The following SLC35F3 variants were observed in gnomAD, a reference collection of about 807,000 sequenced individuals.
The protein encoded by SLC35F3 is putative thiamine transporter SLC35F3.
A neutral mutation model predicts 49.9 loss-of-function variants in SLC35F3; 25 were observed. That is an observed-to-expected ratio of 0.50 (90% confidence interval 0.37 to 0.70). SLC35F3 has a LOEUF of 0.70. SLC35F3 is among the 30% of genes least tolerant of loss of function. The probability of loss-of-function intolerance (pLI) is 0.00; values close to 1 mark genes in which losing one functional copy is unlikely to be tolerated. For synonymous variants in SLC35F3, 275 were observed against 265.4 expected (o/e 1.04, Z -0.35); for missense variants, 525 against 639.8 (o/e 0.82, Z 1.94).
Position 234,316,664 on chromosome 1 carries a change from C to T in SLC35F3, c.891C>T (p.His297=), listed in dbSNP as rs1057003750. ...IVMMTYADGF[H]SHSVIGIALV... ...TGATGACCTACGCTGATGGCTTCCA[C>T]AGCCACTCCGTCATCGGCATCGCAC... The change falls in exon 5 of 8, where the codon CAC becomes CAT. Residue 297 remains histidine (H), a synonymous_variant. Transcript: ENST00000366618. The T allele has an allele frequency of 1.2e-6, 2 of 1,613,284 alleles. No individual in the cohort carries two copies. Among genetic ancestry groups the T allele is most frequent in the African/African-American group, 2.7e-5 (2 of 74,944 alleles).
chr1:233,905,185 C>T (rs1661752027), intron 1 of SLC35F3, 55 bp downstream of exon 1: 2 of 1,536,282 alleles, frequency 1.3e-6, no homozygotes, highest in Non-Finnish European at 1.8e-6. Context: ...GGCCGGAGCG[C>T]CGGGGTAGCC....
At chr1:234,150,939 A>C (rs2102908428) in intron 2 of SLC35F3, among the ~76,000 whole-genome samples, 1 of 152,340 alleles carries the variant, frequency 6.6e-6, no homozygotes, top group East Asian at 1.9e-4. Flanking sequence ...ATTCCCAGGA[A>C]AGAACAGAGT....
At chr1:233,948,255 G>A (rs919039010) in intron 2 of SLC35F3, among the ~76,000 whole-genome samples, 3 of 148,846 alleles carry the variant, frequency 2.0e-5, no homozygotes, top group Admixed American at 6.7e-5. Flanking sequence ...GAGAGAGAGA[G>A]AATGTGTGAA....
At chr1:234,054,135 C>T (rs1361522126) in intron 2 of SLC35F3, among the ~76,000 whole-genome samples, 1 of 152,054 alleles carries the variant, frequency 6.6e-6, no homozygotes, top group Non-Finnish European at 1.5e-5. Context: ...TTGCTCCTCT[C>T]GAGGAGTATC....
At chr1:234,034,295 G>A (rs2358205) in intron 2 of SLC35F3, among the ~76,000 whole-genome samples, 55,311 of 151,906 alleles carry the variant, frequency 0.36, 11,104 homozygotes, top group Middle Eastern at 0.47. Flanking sequence ...TCAGCGAACA[G>A]CAACAATTTG....
intron 2 of SLC35F3, among the ~76,000 whole-genome samples, chr1:234,162,914 G>C (rs1036956762): frequency 6.6e-6 from 1 of 152,300 alleles, no homozygotes; most frequent in Middle Eastern, 3.4e-3. Flanking sequence ...TTCATAGAGA[G>C]GGTACCCAGC....
chr1:234,204,886 G>A (rs1041663400), intron 2 of SLC35F3, among the ~76,000 whole-genome samples: 10 of 152,320 alleles, frequency 6.6e-5, no homozygotes, highest in Admixed American at 5.9e-4. Context: ...CAGGATTTTG[G>A]GTTGTTTGCT....
At chr1:233,993,213 C>A (rs1411653348) in intron 2 of SLC35F3, among the ~76,000 whole-genome samples, 1 of 152,132 alleles carries the variant, frequency 6.6e-6, no homozygotes, top group Admixed American at 6.5e-5. Flanking sequence ...GTGATCCACC[C>A]AACTCAGCCT....
chr1:234,006,789 C>T (rs1663637120), intron 2 of SLC35F3, among the ~76,000 whole-genome samples: 1 of 152,138 alleles, frequency 6.6e-6, no homozygotes, highest in South Asian at 2.1e-4. Flanking sequence ...AAGGACTTTG[C>T]TTTTATGCTG....
At chr1:234,018,422 C>A (rs1663840605) in intron 2 of SLC35F3, among the ~76,000 whole-genome samples, 1 of 152,156 alleles carries the variant, frequency 6.6e-6, no homozygotes, top group Non-Finnish European at 1.5e-5. Flanking sequence ...AGCATGTCCC[C>A]CGATTTCTCT....
intron 2 of SLC35F3, among the ~76,000 whole-genome samples, chr1:233,911,855 G>A (rs1188480525): frequency 1.3e-5 from 2 of 152,160 alleles, no homozygotes; most frequent in Non-Finnish European, 2.9e-5. Flanking sequence ...CCAGGCTTTA[G>A]GGAGACGTGG....
chr1:234,240,183 G>T (rs933435691), intron 3 of SLC35F3, among the ~76,000 whole-genome samples: 1 of 152,160 alleles, frequency 6.6e-6, no homozygotes, highest in African/African-American at 2.4e-5. Context: ...AATGATGAGG[G>T]GGAGGGCTGG....
At position 234,169,042 on chromosome 1, in the gene SLC35F3, T is replaced by G. The variant is rs184277501; in HGVS notation, c.284-62375T>G. Among the ~76,000 whole-genome samples the G allele has an allele frequency of 2.7e-3, 413 of 152,312 alleles. 1 individual carries two copies. The highest frequency in any genetic ancestry group is 3.9e-3 in the Non-Finnish European group (264 of 68,022). On this transcript the variant is annotated intron_variant, in intron 2 of 7. Transcript: ENST00000366618. Reference sequence around the variant, plus strand: ...ATAAAGGCCTGAGAACCAAGGGAACTGATGGTGTGACTCCCAGTCAGAGTC... The same window carrying G: ...ATAAAGGCCTGAGAACCAAGGGAACGGATGGTGTGACTCCCAGTCAGAGTC...
At chr1:234,130,230 G>A (rs1390068127) in intron 2 of SLC35F3, among the ~76,000 whole-genome samples, 1 of 152,140 alleles carries the variant, frequency 6.6e-6, no homozygotes, top group Non-Finnish European at 1.5e-5. Context: ...TACAAAATAA[G>A]TTATCCAAAT....
intron 2 of SLC35F3, among the ~76,000 whole-genome samples, chr1:234,078,906 A>G (rs1214277652): frequency 6.6e-6 from 1 of 152,208 alleles, no homozygotes. Context: ...CCACACTGTG[A>G]TCTGCAAAGA....
chr1:234,214,421 G>A lies in SLC35F3; in HGVS notation c.284-16996G>A, dbSNP rs1667089474. 5 of 1,458,750 alleles carry A rather than the reference G, an allele frequency of 3.4e-6. No homozygotes were observed. The highest frequency in any genetic ancestry group is 4.5e-6 in the Non-Finnish European group (5 of 1,102,742). The allele number at this position is 1,458,750 out of a possible 1,614,324, so 90.4% of individuals were successfully genotyped here. On this transcript the variant is annotated intron_variant, in intron 2 of 7. Coordinates refer to ENST00000366618, the MANE Select transcript of SLC35F3 (RefSeq NM_173508.4). The surrounding 1 kb of genome is among the most constrained non-coding windows in gnomAD (Gnocchi z 8.0). ...CGGCAGAGGGCCGCGTCGGCCACGG[G>A]CCCGGGAGAGACGCGCTCCAGCCGG...
intron 2 of SLC35F3, among the ~76,000 whole-genome samples, chr1:234,126,686 T>G (rs1025681843): frequency 3.9e-5 from 6 of 152,060 alleles, no homozygotes; most frequent in African/African-American, 1.5e-4. Context: ...TGTTTTCTTT[T>G]CTTTCTTTCT....
At chr1:233,998,327 T>A (rs910036211) in intron 2 of SLC35F3, among the ~76,000 whole-genome samples, 2 of 152,102 alleles carry the variant, frequency 1.3e-5, no homozygotes. Flanking sequence ...TATGATAGCA[T>A]CTAATTATAT....
intron 2 of SLC35F3, among the ~76,000 whole-genome samples, chr1:234,226,054 G>A (rs975395929): frequency 2.0e-5 from 3 of 152,166 alleles, no homozygotes; most frequent in Non-Finnish European, 2.9e-5. Context: ...ACAAGAACTC[G>A]TTTCGGCATG....
Sources: gnomAD v4.1 joint callset for allele counts (sites outside exome capture counted in the v4.1 genomes callset) on GRCh38, gnomAD v4.1.1 for gene constraint, Gnocchi (gnomAD v3.1) non-coding constraint, MANE v1.5 for transcripts, NCBI Gene and HGNC (gene_info 2026-07-23, HGNC 2026-07-21) for gene names.